The following GRK3 variants were observed in gnomAD, a reference collection of about 807,000 sequenced individuals.
GRK3 encodes the protein adrenergic, beta, receptor kinase 2.
Under a neutral mutation model 95.7 loss-of-function variants are expected in GRK3, and 54 were observed. The observed-to-expected ratio is 0.56, with a 90% CI of 0.45 to 0.71. The LOEUF (loss-of-function observed/expected upper bound fraction) is 0.71. Ranked by LOEUF, GRK3 falls within the 30% of genes least tolerant of loss-of-function variation. The probability of loss-of-function intolerance (pLI) is 0.00; values close to 1 mark genes in which losing one functional copy is unlikely to be tolerated. For synonymous variants in GRK3, 281 were observed against 290.8 expected (o/e 0.97, Z 0.34); for missense variants, 649 against 851.2 (o/e 0.76, Z 2.96).
intron 2 of GRK3, among the ~76,000 whole-genome samples, chr22:25,633,830 A>G (rs1018981104): frequency 1.3e-5 from 2 of 152,166 alleles, no homozygotes; most frequent in Non-Finnish European, 1.5e-5. Flanking sequence ...AAACTTTATA[A>G]GAAAATGCAT....
At chr22:25,644,817 C>G in intron 3 of GRK3, 152 bp downstream of exon 3, 1 of 474,202 alleles carries the variant, frequency 2.1e-6, no homozygotes, top group South Asian at 4.3e-5. Context: ...GTTTGAGATG[C>G]TAACAGGTAT....
intron 8 of GRK3, among the ~76,000 whole-genome samples, chr22:25,676,417 C>T (rs927699481): frequency 1.1e-4 from 16 of 152,196 alleles, no homozygotes; most frequent in South Asian, 2.1e-4. Context: ...ATCGGCCGGG[C>T]GCGGTGGCTC....
intron 3 of GRK3, chr22:25,648,460 G>T (rs2084803234): frequency 1.5e-6 from 2 of 1,328,216 alleles, no homozygotes; most frequent in East Asian, 4.6e-5. Context: ...CTAGGACAAG[G>T]ATGTTTTGGC....
intron 2 of GRK3, among the ~76,000 whole-genome samples, chr22:25,638,390 A>G (rs758789900): frequency 5.9e-5 from 9 of 152,208 alleles, no homozygotes; most frequent in Non-Finnish European, 1.0e-4. Context: ...CACACACACA[A>G]TAAGGGGGAA....
intron 5 of GRK3, 94 bp from the exon 6 acceptor site, chr22:25,667,645 T>A (rs1237597146): frequency 1.2e-6 from 1 of 828,850 alleles, no homozygotes; most frequent in African/African-American, 1.7e-5. Context: ...GAGTGCATAA[T>A]TGGGAACTTC....
intron 12 of GRK3, among the ~76,000 whole-genome samples, chr22:25,694,378 G>C (rs1470016004): frequency 6.6e-6 from 1 of 152,226 alleles, no homozygotes; most frequent in Non-Finnish European, 1.5e-5. Context: ...CCTTCAAGGA[G>C]GGGTGGAGAG....
chr22:25,588,776 T>A (rs964017516), intron 1 of GRK3, among the ~76,000 whole-genome samples: 6 of 118,964 alleles, frequency 5.0e-5, no homozygotes, highest in Admixed American at 2.3e-4. Context: ...GTTCATTAAT[T>A]TTTTTTTTTT....
chr22:25,589,794 G>A (rs1932433937), intron 1 of GRK3, among the ~76,000 whole-genome samples: 1 of 152,196 alleles, frequency 6.6e-6, no homozygotes, highest in Admixed American at 6.5e-5. Flanking sequence ...GAGGTTTGAT[G>A]GACTCACAGT....
At chr22:25,688,446 C>T (rs1015218812) in intron 11 of GRK3, among the ~76,000 whole-genome samples, 1 of 152,132 alleles carries the variant, frequency 6.6e-6, no homozygotes, top group Non-Finnish European at 1.5e-5. Flanking sequence ...CGAGTCATAA[C>T]TCCTCCAAGG....
At chr22:25,573,205 A>G (rs191823891) in intron 1 of GRK3, among the ~76,000 whole-genome samples, 13 of 152,360 alleles carry the variant, frequency 8.5e-5, no homozygotes, top group Admixed American at 6.5e-4. Context: ...TGTGTAATCT[A>G]TGCTCATTAG....
chr22:25,583,818 A>G (rs1287797629), intron 1 of GRK3, among the ~76,000 whole-genome samples: 1 of 152,216 alleles, frequency 6.6e-6, no homozygotes, highest in African/African-American at 2.4e-5. Flanking sequence ...CAAAGATTTG[A>G]TTCTTCAAAT....
rs1317372160 is a variant in GRK3 at position 25,633,910 on chromosome 22, C to A, written c.191-10682C>A. On this transcript the variant is annotated intron_variant, in intron 2 of 20. Coordinates refer to ENST00000324198, the MANE Select transcript of GRK3 (RefSeq NM_005160.4). ...ATACAACATAGTTATGGTGAGTGTT[C>A]ACTATCTGCTCTTTGGATAATTTAA... Among the ~76,000 whole-genome samples, 3 of 152,018 alleles carry A rather than the reference C, an allele frequency of 2.0e-5. No homozygotes were observed. The East Asian group carries it at 5.8e-4, about 29-fold the overall frequency.
At chr22:25,585,148 C>T (rs6004711) in intron 1 of GRK3, among the ~76,000 whole-genome samples, 13,112 of 151,166 alleles carry the variant, frequency 0.087, 470 homozygotes, top group African/African-American at 0.3. Context: ...CGCTATAGGG[C>T]CTTCACCTCT....
chr22:25,643,468 A>G (rs1212264423), intron 2 of GRK3, among the ~76,000 whole-genome samples: 4 of 152,226 alleles, frequency 2.6e-5, no homozygotes, highest in Non-Finnish European at 4.4e-5. Context: ...TTAAAATCTC[A>G]TCACAGCCAC....
Position 25,564,940 on chromosome 22 carries a change from G to T in GRK3, c.-101G>T. ...GCGCGCGGAGGGGGGGGCTGCCCCG[G>T]GGCGGCCCCCCCAGGTCGGGGCGCG... On this transcript the variant is annotated 5_prime_UTR_variant, in exon 1 of 21. Transcript: ENST00000324198. 1 of 189,804 alleles carries T rather than the reference G, an allele frequency of 5.3e-6. No homozygotes were observed. The highest frequency in any genetic ancestry group is 9.9e-6 in the Non-Finnish European group (1 of 100,810). The allele number at this position is 189,804 out of a possible 1,614,324, so 11.8% of individuals were successfully genotyped here. A position where few individuals can be genotyped will look rare whatever the true frequency, so the allele number is the denominator to read the frequency against.
chr22:25,616,369 G>A (rs1213958343), intron 2 of GRK3, among the ~76,000 whole-genome samples: 1 of 152,002 alleles, frequency 6.6e-6, no homozygotes, highest in East Asian at 1.9e-4. Flanking sequence ...TTCACATGGC[G>A]GCAGGAGAGA....
Position 25,678,729 on chromosome 22 carries a change from A to G in GRK3, c.648-87A>G, listed in dbSNP as rs1601521306. The G allele has an allele frequency of 5.7e-6, 4 of 703,504 alleles. No individual in the cohort carries two copies. In the East Asian group the frequency reaches 1.2e-4, roughly 21 times the overall value. The allele number at this position is 703,504 out of a possible 1,614,324, so 43.6% of individuals were successfully genotyped here. A position where few individuals can be genotyped will look rare whatever the true frequency, so the allele number is the denominator to read the frequency against. On this transcript the variant is annotated intron_variant, in intron 8 of 20. Coordinates refer to ENST00000324198, the MANE Select transcript of GRK3 (RefSeq NM_005160.4). ...TCTTTTAAACATGGCCTAAATGTTC[A>G]GAAACTTGCCCCAGAGTGACATATA... is the stretch of plus-strand genomic sequence containing the variant.
intron 1 of GRK3, among the ~76,000 whole-genome samples, chr22:25,591,036 T>G (rs1932472208): frequency 6.6e-6 from 1 of 152,032 alleles, no homozygotes; most frequent in Non-Finnish European, 1.5e-5. Flanking sequence ...ACTGCTAGGT[T>G]AAGGGCTCAT....
chr22:25,618,201 A>C (rs1285011057), intron 2 of GRK3, among the ~76,000 whole-genome samples: 1 of 152,264 alleles, frequency 6.6e-6, no homozygotes, highest in Non-Finnish European at 1.5e-5. Context: ...GCATTTCTGC[A>C]CAAGCCCTGT....
Sources: gnomAD v4.1 joint callset for allele counts (sites outside exome capture counted in the v4.1 genomes callset) on GRCh38, gnomAD v4.1.1 for gene constraint, MANE v1.5 for transcripts, NCBI Gene and HGNC (gene_info 2026-07-23, HGNC 2026-07-21) for gene names.